The following EML1 variants were observed in gnomAD, a reference collection of about 807,000 sequenced individuals.
EML1 encodes the protein echinoderm microtubule-associated protein-like 1.
Under a neutral mutation model 110.4 loss-of-function variants are expected in EML1, and 27 were observed. The observed-to-expected ratio is 0.24, with a 90% CI of 0.18 to 0.34. The LOEUF (loss-of-function observed/expected upper bound fraction) is 0.34, where lower values mean the gene tolerates loss of function less well. EML1 is among the 10% of genes least tolerant of loss of function. The pLI is 1.00. For synonymous variants in EML1, 344 were observed against 385.8 expected (o/e 0.89, Z 1.27); for missense variants, 741 against 1,030.9 (o/e 0.72, Z 3.85).
intron 2 of EML1, among the ~76,000 whole-genome samples, chr14:99,861,766 G>C (rs147398706): frequency 7.9e-5 from 12 of 152,254 alleles, no homozygotes; most frequent in African/African-American, 2.6e-4. Flanking sequence ...ACAGGAGTGA[G>C]CCACCATGCC....
chr14:99,916,953 C>T (rs565621961), intron 15 of EML1, among the ~76,000 whole-genome samples: 345 of 152,230 alleles, frequency 2.3e-3, no homozygotes, highest in African/African-American at 7.5e-3. Flanking sequence ...ATCTTGTATC[C>T]GAGTTAGTGA....
Position 99,743,839 on chromosome 14 carries a change from G to A in EML1, c.28+5979G>A, listed in dbSNP as rs561273169. ...TTTTAAAGTATTGGGTCAATTCTAA[G>A]GGAGCATTCTTGAGATAGCAAGATA... On this transcript the variant is annotated intron_variant, in intron 1 of 10. Transcript: ENST00000554479. Among the ~76,000 whole-genome samples the A allele has an allele frequency of 3.1e-4, 47 of 152,302 alleles. No homozygotes were observed. In the South Asian group the frequency reaches 9.8e-3, roughly 32 times the overall value.
intron 1 of EML1, among the ~76,000 whole-genome samples, chr14:99,755,305 G>A (rs2140179247): frequency 6.6e-6 from 1 of 152,358 alleles, no homozygotes; most frequent in Admixed American, 6.5e-5. Flanking sequence ...GGAGCCTGGG[G>A]CTGCCGGAGG....
At chr14:99,912,467 C>T (rs1595471485) in intron 13 of EML1, among the ~76,000 whole-genome samples, 1 of 152,200 alleles carries the variant, frequency 6.6e-6, no homozygotes, top group African/African-American at 2.4e-5. Context: ...AAATTGGCCT[C>T]ATTCTGAAGG....
intron 1 of EML1, among the ~76,000 whole-genome samples, chr14:99,797,719 T>C (rs1180229450): frequency 6.6e-6 from 1 of 152,228 alleles, no homozygotes; most frequent in Non-Finnish European, 1.5e-5. Flanking sequence ...CAACTGCACG[T>C]GGTTGCCACA....
At chr14:99,765,440 T>C (rs150485879) in intron 1 of EML1, among the ~76,000 whole-genome samples, 9 of 152,302 alleles carry the variant, frequency 5.9e-5, no homozygotes, top group African/African-American at 1.7e-4. Flanking sequence ...TGAATTTGAC[T>C]GCTCTAGGTA....
intron 17 of EML1, among the ~76,000 whole-genome samples, chr14:99,934,621 G>A (rs760586521): frequency 5.9e-5 from 9 of 152,256 alleles, no homozygotes; most frequent in South Asian, 2.1e-4. Context: ...AAAATGCGCC[G>A]CTTGCTGTGT....
At position 99,914,168 on chromosome 14, in the gene EML1, T is replaced by C; in HGVS notation, c.1495-11T>C. ...GTACATCTTTTCTTTTCATATGACTTTTCAATGCAGATTCCAGAACAGTTT... is the reference window on the plus strand; with the variant it reads ...GTACATCTTTTCTTTTCATATGACTCTTCAATGCAGATTCCAGAACAGTTT... On this transcript the variant is annotated splice_polypyrimidine_tract_variant and intron_variant, in intron 13 of 21. Transcript: ENST00000262233. 1 of 1,595,824 alleles carries C rather than the reference T, an allele frequency of 6.3e-7. No individual in the cohort carries two copies.
intron 1 of EML1, among the ~76,000 whole-genome samples, chr14:99,745,000 A>ACT (rs1259594609): frequency 6.6e-6 from 1 of 151,714 alleles, no homozygotes; most frequent in Non-Finnish European, 1.5e-5. Flanking sequence ...ACAGATATGC[A>ACT]CTCTCTCTTT....
chr14:99,794,045 C>T (rs1426730933), intron 1 of EML1, among the ~76,000 whole-genome samples: 1 of 152,188 alleles, frequency 6.6e-6, no homozygotes, highest in Non-Finnish European at 1.5e-5. Context: ...ATGAAATCAT[C>T]ACAATTTAAT....
chr14:99,818,491 G>A (rs963491944), intron 1 of EML1, among the ~76,000 whole-genome samples: 5 of 152,202 alleles, frequency 3.3e-5, no homozygotes, highest in East Asian at 3.8e-4. Context: ...ACCAAGATTT[G>A]TAGATTGATG....
At chr14:99,909,577 G>A in intron 11 of EML1, 98 bp downstream of exon 11, 2 of 1,495,256 alleles carry the variant, frequency 1.3e-6, no homozygotes, top group East Asian at 2.3e-5. Flanking sequence ...ACAATCCCTT[G>A]GGATCCCTCA....
At chr14:99,796,677 G>GAA (rs34348147) in intron 1 of EML1, among the ~76,000 whole-genome samples, 1,523 of 140,618 alleles carry the variant, frequency 0.011, 20 homozygotes, top group African/African-American at 0.037. Context: ...TTAATGCTGG[G>GAA]AAAAAAAAAA....
chr14:99,772,443 T>G (rs2057437202), upstream of EML1, among the ~76,000 whole-genome samples: 1 of 152,222 alleles, frequency 6.6e-6, no homozygotes, highest in African/African-American at 2.4e-5. Context: ...GACTTTCTAC[T>G]GGAACACGGT....
intron 2 of EML1, among the ~76,000 whole-genome samples, 196 bp downstream of exon 2, chr14:99,851,231 C>T (rs1463226271): frequency 6.6e-6 from 1 of 152,128 alleles, no homozygotes; most frequent in Non-Finnish European, 1.5e-5. Flanking sequence ...AATTGTACAG[C>T]CCAGTGATGT....
At chr14:99,875,386 T>G (rs1447801438) in intron 3 of EML1, among the ~76,000 whole-genome samples, 1 of 152,192 alleles carries the variant, frequency 6.6e-6, no homozygotes, top group Non-Finnish European at 1.5e-5. Flanking sequence ...TATGTAAAAG[T>G]CCAGAGTATG....
intron 2 of EML1, among the ~76,000 whole-genome samples, chr14:99,855,312 T>C (rs887396883): frequency 2.6e-5 from 4 of 152,232 alleles, no homozygotes; most frequent in African/African-American, 9.6e-5. Context: ...AAATGTTCTG[T>C]GGTGTGTATT....
intron 3 of EML1, among the ~76,000 whole-genome samples, chr14:99,866,798 C>T (rs577357993): frequency 6.6e-6 from 1 of 152,260 alleles, no homozygotes; most frequent in South Asian, 2.1e-4. Context: ...GTGGGATCAT[C>T]TAAGTAGTGC....
chr14:99,749,336 G>GCCC (rs56820470), intron 1 of EML1, among the ~76,000 whole-genome samples: 1 of 151,888 alleles, frequency 6.6e-6, no homozygotes, highest in African/African-American at 2.4e-5. Flanking sequence ...CTGTCTTCTC[G>GCCC]CCCCCCCAGC....
Sources: allele counts gnomAD v4.1 joint callset (sites outside exome capture counted in the v4.1 genomes callset), GRCh38; gene constraint gnomAD v4.1.1; transcripts MANE v1.5; gene names NCBI Gene and HGNC (gene_info 2026-07-23, HGNC 2026-07-21).